NRXN3: variants seen among roughly 807,000 people sequenced by gnomAD.
NRXN3 encodes neurexin 3.
NRXN3 carries 32 observed loss-of-function variants against 137.6 expected under a neutral mutation model. That is an observed-to-expected ratio of 0.23 (90% CI 0.18 to 0.31). The LOEUF (loss-of-function observed/expected upper bound fraction) is 0.31, where lower values mean the gene tolerates loss of function less well. Among genes scored for constraint, NRXN3 ranks in the 10% least tolerant of loss-of-function variants. The probability of loss-of-function intolerance (pLI) is 1.00; values close to 1 mark genes in which losing one functional copy is unlikely to be tolerated. For synonymous variants in NRXN3, 798 were observed against 784.5 expected (o/e 1.02, Z -0.29); for missense variants, 1,574 against 2,062.5 (o/e 0.76, Z 4.59).
chr14:79,537,413 G>A (rs1395450379), intron 16 of NRXN3, among the ~76,000 whole-genome samples: 2 of 151,850 alleles, frequency 1.3e-5, no homozygotes, highest in East Asian at 1.9e-4. Flanking sequence ...TTAACATTAG[G>A]TATATCTCCT....
At position 79,728,060 on chromosome 14, in the gene NRXN3, A is replaced by G. The variant is rs2098902439; in HGVS notation, c.4014+30123A>G. ...CAACTTCTCCCTGAAGCCAGGTGGG[A>G]GTGTCCCTTTGAAGCCTTACACAAC... On this transcript the variant is annotated intron_variant, in intron 19 of 20. Coordinates refer to ENST00000335750, the MANE Select transcript of NRXN3 (RefSeq NM_001330195.2). 2.0e-5 allele frequency among the ~76,000 whole-genome samples: 3 copies of G among 152,154 alleles called. No homozygotes were observed. In the South Asian group the frequency reaches 6.2e-4, roughly 32 times the overall value.
intron 4 of NRXN3, among the ~76,000 whole-genome samples, chr14:78,450,066 G>A (rs1374269379): frequency 1.3e-5 from 2 of 152,116 alleles, no homozygotes; most frequent in Non-Finnish European, 2.9e-5. Flanking sequence ...AGCTCATCAG[G>A]AATTATTATT....
chr14:79,005,809 G>A (rs963930321), intron 15 of NRXN3, among the ~76,000 whole-genome samples: 5 of 151,796 alleles, frequency 3.3e-5, no homozygotes, highest in Non-Finnish European at 5.9e-5. Flanking sequence ...CCAGGACTAT[G>A]TGATTATTTT....
At chr14:79,811,271 G>A (rs1197759333) in intron 20 of NRXN3, among the ~76,000 whole-genome samples, 1 of 152,160 alleles carries the variant, frequency 6.6e-6, no homozygotes, top group Non-Finnish European at 1.5e-5. Flanking sequence ...AATAATCTAA[G>A]ATAAGCATTT....
intron 16 of NRXN3, among the ~76,000 whole-genome samples, chr14:79,495,368 C>A (rs975079942): frequency 6.6e-6 from 1 of 152,212 alleles, no homozygotes; most frequent in African/African-American, 2.4e-5. Context: ...AATTCAGGTT[C>A]TCAAAGCAGG....
At chr14:78,619,587 C>T (rs2097379370) in intron 4 of NRXN3, among the ~76,000 whole-genome samples, 2 of 152,130 alleles carry the variant, frequency 1.3e-5, no homozygotes, top group African/African-American at 4.8e-5. Flanking sequence ...GTTGCTCCCT[C>T]ATACTGCTCT....
chr14:79,773,565 G>A (rs775011335), intron 19 of NRXN3, among the ~76,000 whole-genome samples: 1 of 146,470 alleles, frequency 6.8e-6, no homozygotes, highest in African/African-American at 2.5e-5. Flanking sequence ...ACTCATAGGT[G>A]GGAATTGAAC....
intron 4 of NRXN3, among the ~76,000 whole-genome samples, chr14:78,427,218 C>T (rs575289144): frequency 6.6e-6 from 1 of 152,288 alleles, no homozygotes; most frequent in East Asian, 1.9e-4. Context: ...ATCTCACTTT[C>T]TTTTTTCTCA....
At chr14:79,468,945 G>A (rs1008273167) in intron 16 of NRXN3, among the ~76,000 whole-genome samples, 2 of 152,156 alleles carry the variant, frequency 1.3e-5, no homozygotes, top group South Asian at 4.1e-4. Context: ...ATTTTAAAAA[G>A]CTATGCCAAG....
At chr14:79,324,061 T>A (rs2090493419) in intron 15 of NRXN3, among the ~76,000 whole-genome samples, 1 of 152,196 alleles carries the variant, frequency 6.6e-6, no homozygotes, top group African/African-American at 2.4e-5. Flanking sequence ...GAACTAAGGA[T>A]TTCTCAAAGA....
rs74679362 is a variant in NRXN3 at position 78,179,849 on chromosome 14, T to G, written c.-704+9175T>G. On this transcript the variant is annotated intron_variant, in intron 1 of 20. Transcript: ENST00000335750. Reference sequence around the variant, plus strand: ...GTTTGTTTCTGTTTTTTTGTTTTTTTTTTTTTCTTGTTTTAGACAGAATCC... The same window carrying G: ...GTTTGTTTCTGTTTTTTTGTTTTTTGTTTTTTCTTGTTTTAGACAGAATCC... Among the ~76,000 whole-genome samples the G allele has an allele frequency of 5.2e-3, 783 of 149,904 alleles. 6 individuals are homozygous for G. Among genetic ancestry groups the G allele is most frequent in the African/African-American group, 0.018 (752 of 40,854 alleles).
chr14:79,476,265 G>A (rs1031767729), intron 16 of NRXN3, among the ~76,000 whole-genome samples: 7 of 152,066 alleles, frequency 4.6e-5, no homozygotes, highest in African/African-American at 1.4e-4. Context: ...CACTGCTGCT[G>A]TTGCAACTTG....
At chr14:78,743,933 A>C (rs1045061195) in intron 8 of NRXN3, among the ~76,000 whole-genome samples, 3 of 152,234 alleles carry the variant, frequency 2.0e-5, no homozygotes, top group Non-Finnish European at 4.4e-5. Flanking sequence ...AAGCTATTGC[A>C]GTCAACCTAG....
At chr14:79,685,084 T>G (rs17109747) in intron 17 of NRXN3, among the ~76,000 whole-genome samples, 9,285 of 152,228 alleles carry the variant, frequency 0.061, 329 homozygotes, top group South Asian at 0.094. Flanking sequence ...TTTGAAAATA[T>G]TTGACACCAA....
At chr14:79,342,817 C>T (rs976584119) in intron 15 of NRXN3, among the ~76,000 whole-genome samples, 2 of 152,100 alleles carry the variant, frequency 1.3e-5, no homozygotes, top group African/African-American at 2.4e-5. Flanking sequence ...TAGATAGAAC[C>T]GATTTATCAA....
intron 4 of NRXN3, among the ~76,000 whole-genome samples, chr14:78,576,514 C>A (rs1359934387): frequency 6.6e-6 from 1 of 152,092 alleles, no homozygotes. Flanking sequence ...GTACTGATCT[C>A]GGATAGCTGG....
intron 19 of NRXN3, among the ~76,000 whole-genome samples, chr14:79,761,783 T>A (rs2099039733): frequency 6.6e-6 from 1 of 151,558 alleles, no homozygotes; most frequent in African/African-American, 2.4e-5. Context: ...ATTTTGATTA[T>A]GTGTATTAAG....
intron 6 of NRXN3, among the ~76,000 whole-genome samples, chr14:78,671,394 G>A (rs1381194833): frequency 6.6e-6 from 1 of 152,096 alleles, no homozygotes; most frequent in Admixed American, 6.5e-5. Flanking sequence ...ATATCCCAGT[G>A]AATAATTTCA....
intron 10 of NRXN3, among the ~76,000 whole-genome samples, chr14:78,911,514 C>G (rs2099237588): frequency 6.6e-6 from 1 of 152,136 alleles, no homozygotes; most frequent in African/African-American, 2.4e-5. Flanking sequence ...GTTCACTACC[C>G]ACAGAGCTGA....
Sources: allele counts gnomAD v4.1 joint callset (sites outside exome capture counted in the v4.1 genomes callset), GRCh38; gene constraint gnomAD v4.1.1; transcripts MANE v1.5; gene names NCBI Gene and HGNC (gene_info 2026-07-23, HGNC 2026-07-21).